The following MET variants were observed in gnomAD, a reference collection of about 807,000 sequenced individuals.
MET encodes the protein MET proto-oncogene, receptor tyrosine kinase.
Under a neutral mutation model 133.1 loss-of-function variants are expected in MET, and 48 were observed. The observed-to-expected ratio is 0.36, with a 90% CI of 0.29 to 0.46. MET has a LOEUF of 0.46. MET is among the 20% of genes least tolerant of loss of function. The pLI, the probability that MET is intolerant of heterozygous loss-of-function variation, is 1.00. For synonymous variants in MET, 628 were observed against 616.5 expected, an observed-to-expected ratio of 1.02 and a Z score of -0.28; for missense variants, 1,442 against 1,695.9, an observed-to-expected ratio of 0.85 and a Z score of 2.63.
intron 19 of MET, among the ~76,000 whole-genome samples, chr7:116,787,026 G>C (rs1795335715): frequency 6.6e-6 from 1 of 152,162 alleles, no homozygotes; most frequent in Non-Finnish European, 1.5e-5. Context: ...AATAAGACGA[G>C]GTGACTGGGA....
Position 116,740,874 on chromosome 7 carries a change from G to C in MET, c.1550G>C (p.Gly517Ala), listed in dbSNP as rs1417975136. Residue 517 changes from glycine (G) to alanine (A), a missense_variant, in exon 5 of 21, where the codon GGC becomes GCC. Around this residue, in one of 6 missense-constraint regions of MET, gnomAD observed 762 missense variants for 792.4 expected, o/e 0.96. Coordinates refer to ENST00000397752, the MANE Select transcript of MET (RefSeq NM_000245.4). ...CAGATCACGAAGATCCCATTGAATG[G>C]CTTGGGCTGCAGACATTTCCAGTCC... The part of the protein sequence containing the change: ...GKKITKIPLN[G>A]LGCRHFQSCS... The C allele has an allele frequency of 6.2e-7, 1 of 1,614,034 alleles. No homozygotes were observed. Among genetic ancestry groups the C allele is most frequent in the Non-Finnish European group, 8.5e-7 (1 of 1,180,020 alleles).
At chr7:116,675,509 G>A (rs1046546917) in intron 1 of MET, among the ~76,000 whole-genome samples, 1 of 151,884 alleles carries the variant, frequency 6.6e-6, no homozygotes, top group Non-Finnish European at 1.5e-5. Flanking sequence ...ATACCAAAAC[G>A]ACCTTACAAG....
chr7:116,724,847 GGTAATGTGAAC>G, intron 2 of MET: 1 of 1,288,592 alleles, frequency 7.8e-7, no homozygotes, highest in Admixed American at 2.3e-5. Flanking sequence ...CTGCACTGAA[GGTAATGTGAAC>G]ACTCAGTGCC....
Position 116,795,796 on chromosome 7 carries a change from G to A in MET, c.3935+5G>A, listed in dbSNP as rs1795650693. The A allele has an allele frequency of 6.2e-7, 1 of 1,614,186 alleles. No individual in the cohort carries two copies. The highest frequency in any genetic ancestry group is 8.5e-7 in the Non-Finnish European group (1 of 1,180,028). ...CGAATACTGCCCAGACCCCTTGTAA[G>A]TAGTCTTTCTGTACCTCTTACGTTC... On this transcript the variant is annotated splice_donor_5th_base_variant and intron_variant, in intron 20 of 20. Transcript: ENST00000397752.
At chr7:116,743,789 T>C (rs149697638) in intron 5 of MET, among the ~76,000 whole-genome samples, 11,032 of 152,214 alleles carry the variant, frequency 0.072, 644 homozygotes, top group African/African-American at 0.15. Flanking sequence ...AGGAGAGCTC[T>C]GGCTGGCATC....
chr7:116,756,014 GGCAC>G (rs994133135), intron 6 of MET, among the ~76,000 whole-genome samples: 3 of 152,130 alleles, frequency 2.0e-5, no homozygotes, highest in African/African-American at 7.2e-5. Context: ...TATATTTACT[GGCAC>G]TGCAATATAT....
At chr7:116,780,404 A>G (rs1235885634) in intron 17 of MET, among the ~76,000 whole-genome samples, 1 of 152,198 alleles carries the variant, frequency 6.6e-6, no homozygotes, top group African/African-American at 2.4e-5. Flanking sequence ...AGAATAAAAC[A>G]TTCCCTGGCA....
At chr7:116,781,855 G>A in intron 17 of MET, 133 bp from the exon 18 acceptor site, 1 of 688,996 alleles carries the variant, frequency 1.5e-6, no homozygotes, top group Non-Finnish European at 2.6e-6. Flanking sequence ...TGGGATTACA[G>A]GCTTGAGCCA....
rs142917092 is a variant in MET, at chr7:116,773,325, C to T, written c.3028+1336C>T. ...ACAGCATTCTCATCAGACTTTTTCACGGAGACCTAGAGTGCTATGTGGTGT... is the reference window on the plus strand; with the variant it reads ...ACAGCATTCTCATCAGACTTTTTCATGGAGACCTAGAGTGCTATGTGGTGT... On this transcript the variant is annotated intron_variant, in intron 14 of 20. Coordinates refer to ENST00000397752, the MANE Select transcript of MET (RefSeq NM_000245.4). Among the ~76,000 whole-genome samples, 6 of 152,280 alleles carry T rather than the reference C, an allele frequency of 3.9e-5. No homozygotes were observed. In the East Asian group the frequency reaches 5.8e-4, roughly 15 times the overall value.
intron 1 of MET, among the ~76,000 whole-genome samples, chr7:116,682,009 T>A (rs2116481773): frequency 6.6e-6 from 1 of 152,352 alleles, no homozygotes; most frequent in East Asian, 1.9e-4. Flanking sequence ...CTTTCTGTCT[T>A]GTCAAAATTA....
At chr7:116,721,356 G>A (rs543759686) in intron 2 of MET, among the ~76,000 whole-genome samples, 2 of 152,148 alleles carry the variant, frequency 1.3e-5, no homozygotes, top group Admixed American at 6.5e-5. Context: ...TTTTTATTGT[G>A]TCTATTTGAT....
At chr7:116,784,545 G>A (rs1795252453) in intron 19 of MET, among the ~76,000 whole-genome samples, 1 of 152,118 alleles carries the variant, frequency 6.6e-6, no homozygotes, top group African/African-American at 2.4e-5. Flanking sequence ...AGGACCAACG[G>A]GGCTGTGGGA....
At chr7:116,757,353 G>C in intron 6 of MET, 84 bp from the exon 7 acceptor site, 2 of 1,093,942 alleles carry the variant, frequency 1.8e-6, no homozygotes, top group Admixed American at 1.9e-5. Context: ...TCACCATTTA[G>C]AGTTAATGTC....
At chr7:116,778,148 T>C (rs1795050111) in intron 16 of MET, among the ~76,000 whole-genome samples, 1 of 152,240 alleles carries the variant, frequency 6.6e-6, no homozygotes, top group Non-Finnish European at 1.5e-5. Flanking sequence ...CCCCAAGCCA[T>C]AATTACAGCC....
intron 6 of MET, among the ~76,000 whole-genome samples, chr7:116,756,206 G>A (rs905985177): frequency 6.6e-6 from 1 of 152,118 alleles, no homozygotes. Flanking sequence ...TCCAAGACCC[G>A]TGCTAGTTCT....
intron 2 of MET, among the ~76,000 whole-genome samples, chr7:116,705,361 C>T (rs1277078629): frequency 6.6e-6 from 1 of 152,114 alleles, no homozygotes; most frequent in African/African-American, 2.4e-5. Context: ...ACCACTTGAA[C>T]TGTGAATGTG....
intron 2 of MET, among the ~76,000 whole-genome samples, chr7:116,723,748 G>A (rs1792603455): frequency 6.6e-6 from 1 of 152,174 alleles, no homozygotes; most frequent in African/African-American, 2.4e-5. Context: ...TGCCGTGTGA[G>A]GTGTCAGTGT....
At position 116,765,313 on chromosome 7, in the gene MET, G is replaced by A. The variant is rs1001730845; in HGVS notation, c.2583+2045G>A. ...AAAAAAAAAAAAAAAAAAAAACCAC[G>A]TACTTCATCAATGAAAGTGTTCTGG... On this transcript the variant is annotated intron_variant, in intron 11 of 20. Transcript: ENST00000397752. 5.3e-4 allele frequency among the ~76,000 whole-genome samples: 77 copies of A among 146,078 alleles called. 1 individual carries two copies. The highest frequency in any genetic ancestry group is 1.9e-3 in the African/African-American group (76 of 39,382).
intron 14 of MET, among the ~76,000 whole-genome samples, chr7:116,774,406 T>C (rs1486435271): frequency 6.6e-6 from 1 of 152,234 alleles, no homozygotes; most frequent in Non-Finnish European, 1.5e-5. Flanking sequence ...CCATTATTTA[T>C]TTCTAATCAT....
Sources: gnomAD v4.1 joint callset for allele counts (sites outside exome capture counted in the v4.1 genomes callset) on GRCh38, gnomAD v4.1.1 for gene constraint, gnomAD v4.1.1 regional missense constraint, MANE v1.5 for transcripts, NCBI Gene and HGNC (gene_info 2026-07-23, HGNC 2026-07-21) for gene names.